The following GLI2 variants were observed in gnomAD, a reference collection of about 807,000 sequenced individuals.
GLI2 encodes transcription activator GLI2.
GLI2 carries 22 observed loss-of-function variants against 78.9 expected under a neutral mutation model. That is an observed-to-expected ratio of 0.28 (90% CI 0.20 to 0.40). The LOEUF is 0.40. GLI2 is among the 10% of genes least tolerant of loss of function. The pLI, the probability that GLI2 is intolerant of heterozygous loss-of-function variation, is 1.00. For missense variants in GLI2, 2,097 were observed against 2,213.2 expected (o/e 0.95, Z 1.05); for synonymous variants, 974 against 963.7 (o/e 1.01, Z -0.20).
chr2:120,768,024 C>T (rs376847370), intron 1 of GLI2, among the ~76,000 whole-genome samples: 8 of 152,176 alleles, frequency 5.3e-5, no homozygotes, highest in African/African-American at 1.9e-4. Flanking sequence ...GCTGTCCCGA[C>T]GCTCCTGGAA....
chr2:120,947,224 G>T (rs1451581188), intron 3 of GLI2, among the ~76,000 whole-genome samples: 1 of 152,190 alleles, frequency 6.6e-6, no homozygotes, highest in Non-Finnish European at 1.5e-5. Context: ...CAGGGCACAG[G>T]CAGGGGCTCC....
intron 2 of GLI2, among the ~76,000 whole-genome samples, chr2:120,919,246 A>G (rs914853212): frequency 3.3e-5 from 5 of 152,260 alleles, no homozygotes; most frequent in Non-Finnish European, 5.9e-5. Context: ...TTAAAGGAAC[A>G]TGATAAATTA....
At chr2:120,797,595 G>A (rs902324414) in intron 2 of GLI2, 127 bp downstream of exon 2, 16 of 876,238 alleles carry the variant, frequency 1.8e-5, no homozygotes, top group African/African-American at 5.0e-5. Context: ...GAAGAGGAAG[G>A]CACCTCTGCT....
chr2:120,830,525 C>T (rs774536220), intron 2 of GLI2, among the ~76,000 whole-genome samples: 3 of 152,262 alleles, frequency 2.0e-5, no homozygotes, highest in African/African-American at 4.8e-5. Context: ...CCAGGCCCCA[C>T]GTCCATCCAT....
intron 3 of GLI2, among the ~76,000 whole-genome samples, chr2:120,928,076 A>C (rs1679776916): frequency 6.6e-6 from 1 of 152,230 alleles, no homozygotes; most frequent in South Asian, 2.1e-4. Context: ...TTTAGGGCTC[A>C]AAAGTCTTGG....
intron 9 of GLI2, 125 bp from the exon 10 acceptor site, chr2:120,978,308 TG>T (rs968849043): frequency 4.3e-6 from 4 of 941,068 alleles, no homozygotes; most frequent in African/African-American, 1.7e-5. Context: ...GTCAGCAGGG[TG>T]GATGGTCTGC....
chr2:120,757,588 G>A (rs1683071010), intron 1 of GLI2, among the ~76,000 whole-genome samples: 2 of 152,230 alleles, frequency 1.3e-5, no homozygotes, highest in Admixed American at 6.5e-5. Flanking sequence ...AGAACAGTAT[G>A]TGCTGATTCT....
At chr2:120,847,089 C>T (rs1687153091) in intron 2 of GLI2, among the ~76,000 whole-genome samples, 1 of 151,836 alleles carries the variant, frequency 6.6e-6, no homozygotes, top group Admixed American at 6.6e-5. Flanking sequence ...GCGTCTGAAA[C>T]AAGAGGTGCG....
chr2:120,814,463 C>G (rs1358954410), intron 2 of GLI2, among the ~76,000 whole-genome samples: 1 of 152,190 alleles, frequency 6.6e-6, no homozygotes, highest in Non-Finnish European at 1.5e-5. Context: ...CAGTGCCTCA[C>G]TGGGAATGAG....
At position 120,838,416 on chromosome 2, in the gene GLI2, T is replaced by C. The variant is rs1686714818; in HGVS notation, c.148+40948T>C. Among the ~76,000 whole-genome samples, 6 of 152,384 alleles carry C rather than the reference T, an allele frequency of 3.9e-5. No homozygotes were observed. In the South Asian group the frequency reaches 1.2e-3, roughly 32 times the overall value. On this transcript the variant is annotated intron_variant, in intron 2 of 13. Coordinates refer to ENST00000361492, the MANE Select transcript of GLI2 (RefSeq NM_001374353.1). ...TGTGTCCCTACAAATTTTATAGACATTTTATTTAATCTTGTCATTTACAAA... is the reference window on the plus strand; with the variant it reads ...TGTGTCCCTACAAATTTTATAGACACTTTATTTAATCTTGTCATTTACAAA...
chr2:120,846,423 C>G (rs1042381975), intron 2 of GLI2, among the ~76,000 whole-genome samples: 5 of 152,246 alleles, frequency 3.3e-5, no homozygotes, highest in African/African-American at 9.6e-5. Flanking sequence ...ATCGTTAGAG[C>G]AAGCTCTCTA....
chr2:120,951,089 A>G (rs1177069711), intron 3 of GLI2, among the ~76,000 whole-genome samples, 154 bp from the exon 4 acceptor site: 2 of 152,204 alleles, frequency 1.3e-5, no homozygotes, highest in Non-Finnish European at 2.9e-5. Flanking sequence ...TAATTCACAG[A>G]TGACCAGGGG....
intron 2 of GLI2, among the ~76,000 whole-genome samples, chr2:120,811,055 C>A (rs1212301313): frequency 6.6e-6 from 1 of 152,226 alleles, no homozygotes; most frequent in Non-Finnish European, 1.5e-5. Flanking sequence ...GTGACCGAGC[C>A]ATGTAGTATT....
intron 2 of GLI2, among the ~76,000 whole-genome samples, chr2:120,905,855 G>A (rs1408717106): frequency 6.6e-6 from 1 of 150,992 alleles, no homozygotes; most frequent in Non-Finnish European, 1.5e-5. Flanking sequence ...CTGATTGGGG[G>A]AGGGCTACAC....
At chr2:120,905,294 C>T (rs371590986) in intron 2 of GLI2, among the ~76,000 whole-genome samples, 5 of 152,096 alleles carry the variant, frequency 3.3e-5, no homozygotes, top group African/African-American at 7.2e-5. Context: ...GGAACCTCTA[C>T]GGGGCGCCCC....
intron 1 of GLI2, among the ~76,000 whole-genome samples, chr2:120,748,709 T>C (rs1355489988): frequency 6.6e-6 from 1 of 152,200 alleles, no homozygotes; most frequent in African/African-American, 2.4e-5. Context: ...CAGCTTTGCC[T>C]TCTCATTCTC....
At chr2:120,933,907 C>A (rs1217716029) in intron 3 of GLI2, among the ~76,000 whole-genome samples, 2 of 150,016 alleles carry the variant, frequency 1.3e-5, no homozygotes, top group African/African-American at 4.9e-5. Context: ...TCAGAGAAGA[C>A]CAATTTCAGC....
intron 5 of GLI2, among the ~76,000 whole-genome samples, chr2:120,966,552 A>G (rs528675481): frequency 5.3e-5 from 8 of 152,290 alleles, no homozygotes; most frequent in African/African-American, 1.4e-4. Context: ...TTTCGGCCCA[A>G]TGGTCCTGGA....
intron 2 of GLI2, among the ~76,000 whole-genome samples, chr2:120,861,085 G>A (rs1687880565): frequency 6.6e-6 from 1 of 152,196 alleles, no homozygotes; most frequent in Non-Finnish European, 1.5e-5. Context: ...CATTTATTAT[G>A]CAATGACTGG....
Sources: gnomAD v4.1 joint callset for allele counts (sites outside exome capture counted in the v4.1 genomes callset) on GRCh38, gnomAD v4.1.1 for gene constraint, MANE v1.5 for transcripts, NCBI Gene and HGNC (gene_info 2026-07-23, HGNC 2026-07-21) for gene names.